The following ARAP1 variants were observed in gnomAD, a reference collection of about 807,000 sequenced individuals.
ARAP1 encodes ArfGAP with RhoGAP domain, ankyrin repeat and PH domain 1.
A neutral mutation model predicts 172.2 loss-of-function variants in ARAP1; 76 were observed. The observed-to-expected ratio is 0.44, with a 90% CI of 0.37 to 0.53. The LOEUF is 0.53. Ranked by LOEUF, ARAP1 falls within the 20% of genes least tolerant of loss-of-function variation. ARAP1 has a pLI of 0.00. For synonymous variants in ARAP1, 804 were observed against 803.3 expected (o/e 1.00, Z -0.01); for missense variants, 1,686 against 1,977.5 (o/e 0.85, Z 2.80).
At chr11:72,696,479 T>A (rs2135504497) in intron 23 of ARAP1, 70 bp downstream of exon 23, 1 of 1,294,218 alleles carries the variant, frequency 7.7e-7, no homozygotes, top group East Asian at 2.6e-5. Flanking sequence ...AGGAGGGTAG[T>A]CAGCCAGGGT....
chr11:72,689,326 T>G (rs1591168208), intron 30 of ARAP1, among the ~76,000 whole-genome samples: 1 of 151,232 alleles, frequency 6.6e-6, no homozygotes, highest in African/African-American at 2.4e-5. Context: ...TGGTTGGAGG[T>G]CAAGCTAATG....
At chr11:72,722,807 C>G (rs1857569333) in intron 3 of ARAP1, among the ~76,000 whole-genome samples, 1 of 152,200 alleles carries the variant, frequency 6.6e-6, no homozygotes, top group Non-Finnish European at 1.5e-5. Flanking sequence ...GACCCTGGAA[C>G]CTCACATCAG....
At chr11:72,705,979 G>T in intron 12 of ARAP1, 89 bp from the exon 13 acceptor site, 1 of 1,370,990 alleles carries the variant, frequency 7.3e-7, no homozygotes, top group Non-Finnish European at 1.0e-6. Context: ...GGACAGGCAG[G>T]GATGAGAGGC....
At chr11:72,743,960 C>A (rs1195993468) in intron 1 of ARAP1, among the ~76,000 whole-genome samples, 2 of 152,098 alleles carry the variant, frequency 1.3e-5, no homozygotes, top group African/African-American at 2.4e-5. Flanking sequence ...ACCTGCCCCT[C>A]CCCTCTGGTC....
In ARAP1 at chr11:72,697,511, G is replaced by A. The variant is rs145062909; in HGVS notation, c.2790-25C>T. On this transcript the variant is annotated intron_variant, in intron 20 of 34. Transcript: ENST00000393609. ...CCTGGGCCAGGGACAGTCAGTCACTGAGGGGCCTACACCTATCCCACCCTG... is the reference window on the plus strand; with the variant it reads ...CCTGGGCCAGGGACAGTCAGTCACTAAGGGGCCTACACCTATCCCACCCTG... 805 of 1,612,206 alleles carry A rather than the reference G, an allele frequency of 5.0e-4. 6 individuals are homozygous for A. The African/African-American group carries it at 9.7e-3, about 19-fold the overall frequency.
intron 1 of ARAP1, among the ~76,000 whole-genome samples, chr11:72,738,388 C>T (rs941944574): frequency 2.0e-5 from 3 of 152,168 alleles, no homozygotes; most frequent in Non-Finnish European, 4.4e-5. Context: ...CTTAAAGGTC[C>T]TAACCCTTTC....
Position 72,693,018 on chromosome 11 carries a change from G to T in ARAP1, c.3955-233C>A. The T allele has an allele frequency of 1.5e-6, 1 of 647,868 alleles. No homozygotes were observed. Among genetic ancestry groups the T allele is most frequent in the Non-Finnish European group, 2.7e-6 (1 of 371,060 alleles). The allele number at this position is 647,868 out of a possible 1,614,324, so 40.1% of individuals were successfully genotyped here. ...ACAAGGCATGCATGCACAACTTGGG[G>T]CTGTCATCAAGTAACAGGTTCCTGT... On this transcript the variant is annotated intron_variant, in intron 29 of 34. Coordinates refer to ENST00000393609, the MANE Select transcript of ARAP1 (RefSeq NM_001040118.3). This position sits in a 1 kb window ranked among gnomAD's most constrained non-coding sequence, Gnocchi z 4.6.
At chr11:72,722,408 C>T in intron 3 of ARAP1, 2 of 960,454 alleles carry the variant, frequency 2.1e-6, no homozygotes, top group Non-Finnish European at 2.5e-6. Context: ...CCAGGCTGCA[C>T]CCCCACCCAA....
chr11:72,737,787 C>T (rs910073872), intron 1 of ARAP1, among the ~76,000 whole-genome samples: 1 of 152,102 alleles, frequency 6.6e-6, no homozygotes, highest in Admixed American at 6.6e-5. Context: ...CCATGCCTGG[C>T]TAATATTTGT....
intron 4 of ARAP1, among the ~76,000 whole-genome samples, chr11:72,713,846 CA>C (rs71469440): frequency 0.22 from 17,908 of 81,346 alleles, 1,306 homozygotes; most frequent in East Asian, 0.44. Flanking sequence ...GACTCCATCT[CA>C]AAAAAAAAAA....
Position 72,717,799 on chromosome 11 carries a change from A to G in ARAP1, c.510-3478T>C, listed in dbSNP as rs1857345995. On this transcript the variant is annotated intron_variant, in intron 3 of 34. Coordinates refer to ENST00000393609, the MANE Select transcript of ARAP1 (RefSeq NM_001040118.3). ...GTCATGATTCCACTTTACAGAGGAG[A>G]AAACCGAGGCACAGGGATGCTAGGT... 2.0e-5 allele frequency among the ~76,000 whole-genome samples: 3 copies of G among 152,226 alleles called. No individual in the cohort carries two copies. The South Asian group carries it at 6.2e-4, about 32-fold the overall frequency.
chr11:72,748,811 G>C (rs1858448831), intron 1 of ARAP1, among the ~76,000 whole-genome samples: 1 of 151,280 alleles, frequency 6.6e-6, no homozygotes, highest in African/African-American at 2.5e-5. Flanking sequence ...CTGGGGGCCT[G>C]GCCAGGGGTA....
chr11:72,694,655 T>G (rs914922783), intron 27 of ARAP1, among the ~76,000 whole-genome samples: 5 of 152,114 alleles, frequency 3.3e-5, no homozygotes, highest in Non-Finnish European at 7.4e-5. Flanking sequence ...GCCCAGTGCC[T>G]GGCACTCAAC....
intron 22 of ARAP1, 156 bp from the exon 23 acceptor site, chr11:72,696,810 T>C: frequency 1.1e-6 from 1 of 943,080 alleles, no homozygotes; most frequent in Non-Finnish European, 1.5e-6. Context: ...GAACTCTCGG[T>C]CTTCCAGGGC....
chr11:72,706,259 T>C (rs781362283), intron 12 of ARAP1, among the ~76,000 whole-genome samples: 2 of 152,184 alleles, frequency 1.3e-5, no homozygotes, highest in Non-Finnish European at 2.9e-5. Context: ...CACAACTCCT[T>C]ACCTGCTTCC....
rs776938755 is a variant in ARAP1 at position 72,725,340 on chromosome 11, C to A, written c.509+1280G>T. Among the ~76,000 whole-genome samples, 6 of 150,890 alleles carry A rather than the reference C, an allele frequency of 4.0e-5. No homozygotes were observed. Among genetic ancestry groups the A allele is most frequent in the Non-Finnish European group, 6.0e-5 (4 of 67,098 alleles). On this transcript the variant is annotated intron_variant, in intron 3 of 34. Coordinates refer to ENST00000393609, the MANE Select transcript of ARAP1 (RefSeq NM_001040118.3). The surrounding 1 kb of genome is among the most constrained non-coding windows in gnomAD (Gnocchi z 4.3). Reference sequence around the variant, plus strand: ...TCTCTTTTTCTCTCTCTCTCTCCCCCCCACAAGCTGATGGGGTTGAAATAG... The same window carrying A: ...TCTCTTTTTCTCTCTCTCTCTCCCCACCACAAGCTGATGGGGTTGAAATAG...
chr11:72,688,061 G>A (rs931643117), intron 31 of ARAP1, among the ~76,000 whole-genome samples: 4 of 151,924 alleles, frequency 2.6e-5, no homozygotes, highest in Admixed American at 1.3e-4. Context: ...ATGCAGTGTC[G>A]TGACTACGGA....
chr11:72,689,274 C>T (rs1855825742), intron 30 of ARAP1, among the ~76,000 whole-genome samples: 2 of 152,130 alleles, frequency 1.3e-5, no homozygotes, highest in South Asian at 2.1e-4. Context: ...CAGGCTGGCT[C>T]GGAGGCAGAG....
intron 1 of ARAP1, among the ~76,000 whole-genome samples, chr11:72,744,611 T>C (rs1350039013): frequency 6.6e-6 from 1 of 152,136 alleles, no homozygotes; most frequent in Non-Finnish European, 1.5e-5. Context: ...CACGGGCAAG[T>C]CAGGACCATG....
Sources: gnomAD v4.1 joint callset for allele counts (sites outside exome capture counted in the v4.1 genomes callset) on GRCh38, gnomAD v4.1.1 for gene constraint, Gnocchi (gnomAD v3.1) non-coding constraint, MANE v1.5 for transcripts, NCBI Gene and HGNC (gene_info 2026-07-23, HGNC 2026-07-21) for gene names.